The following CYTH1 variants were observed in gnomAD, a reference collection of about 807,000 sequenced individuals.
The protein encoded by CYTH1 is cytohesin 1, also known as cytohesin-1.
Under a neutral mutation model 61.8 loss-of-function variants are expected in CYTH1, and 18 were observed. The observed-to-expected ratio is 0.29, with a 90% CI of 0.20 to 0.43. The LOEUF (loss-of-function observed/expected upper bound fraction) is 0.43. CYTH1 is among the 20% of genes least tolerant of loss of function. The pLI, the probability that CYTH1 is intolerant of heterozygous loss-of-function variation, is 1.00. For missense variants in CYTH1, 336 were observed against 510.5 expected (o/e 0.66, Z 3.29); for synonymous variants, 174 against 184.3 (o/e 0.94, Z 0.45).
intron 1 of CYTH1, among the ~76,000 whole-genome samples, chr17:78,770,197 G>T (rs781118911): frequency 3.7e-4 from 56 of 151,098 alleles, no homozygotes; most frequent in Non-Finnish European, 7.2e-4. Context: ...GGTGGCGGGT[G>T]TCTGTAATCC....
chr17:78,719,848 G>A (rs1201793517), intron 1 of CYTH1, among the ~76,000 whole-genome samples: 1 of 152,178 alleles, frequency 6.6e-6, no homozygotes, highest in Non-Finnish European at 1.5e-5. Flanking sequence ...CCTTCACACA[G>A]TCTATCTACT....
chr17:78,747,707 G>A (rs923616142), intron 1 of CYTH1, among the ~76,000 whole-genome samples: 1 of 152,134 alleles, frequency 6.6e-6, no homozygotes, highest in African/African-American at 2.4e-5. Flanking sequence ...CAGCCATGTT[G>A]CAGCATGTGT....
chr17:78,734,814 A>G (rs1195643118), intron 1 of CYTH1, among the ~76,000 whole-genome samples: 5 of 152,098 alleles, frequency 3.3e-5, no homozygotes, highest in African/African-American at 7.2e-5. Flanking sequence ...TCCTTAAAGA[A>G]TATTTTCAAA....
At chr17:78,768,013 A>T (rs1237765958) in intron 1 of CYTH1, among the ~76,000 whole-genome samples, 1 of 152,228 alleles carries the variant, frequency 6.6e-6, no homozygotes, top group Non-Finnish European at 1.5e-5. Context: ...AGACAAAATG[A>T]AATGTGAGAC....
chr17:78,690,611 A>T (rs2092874596), intron 11 of CYTH1, among the ~76,000 whole-genome samples: 1 of 151,336 alleles, frequency 6.6e-6, no homozygotes, highest in African/African-American at 2.4e-5. Flanking sequence ...TGGGAGAATC[A>T]CTTGAACCCA....
At chr17:78,734,422 T>TA (rs1321844450) in intron 1 of CYTH1, among the ~76,000 whole-genome samples, 7 of 117,902 alleles carry the variant, frequency 5.9e-5, no homozygotes, top group East Asian at 2.6e-4. Flanking sequence ...ATGTACCAGG[T>TA]AAAAAAAAGC....
rs536679796 is a variant in CYTH1, at chr17:78,776,236, T to C, written c.22+5966A>G. On this transcript the variant is annotated intron_variant, in intron 1 of 13. Transcript: ENST00000446868. ...ACTGCAGTCATTAGCCCCAAAATGA[T>C]GACCATTACAGAGCAACAGGATGAA... Among the ~76,000 whole-genome samples the C allele has an allele frequency of 8.5e-5, 13 of 152,264 alleles. 1 individual carries two copies. The highest frequency in any genetic ancestry group is 3.1e-4 in the African/African-American group (13 of 41,556).
chr17:78,707,526 A>G (rs544449859), intron 3 of CYTH1, among the ~76,000 whole-genome samples: 1 of 152,308 alleles, frequency 6.6e-6, no homozygotes, highest in East Asian at 1.9e-4. Context: ...GCCCTTTGAA[A>G]TCGTATCAGC....
At chr17:78,706,695 A>G (rs2144368031) in intron 3 of CYTH1, among the ~76,000 whole-genome samples, 1 of 152,332 alleles carries the variant, frequency 6.6e-6, no homozygotes, top group Middle Eastern at 3.4e-3. Flanking sequence ...TGGTTATATT[A>G]TTTTATTCTC....
At chr17:78,771,104 A>C (rs2093469630) in intron 1 of CYTH1, among the ~76,000 whole-genome samples, 1 of 152,032 alleles carries the variant, frequency 6.6e-6, no homozygotes. Flanking sequence ...CTCTACTAAA[A>C]ATACAAAAAT....
At chr17:78,742,455 G>A (rs1268976032) in intron 1 of CYTH1, among the ~76,000 whole-genome samples, 3 of 151,806 alleles carry the variant, frequency 2.0e-5, no homozygotes, top group Non-Finnish European at 2.9e-5. Context: ...CCAGCTACTT[G>A]GGAGGCTGAG....
intron 9 of CYTH1, chr17:78,696,629 G>A (rs2092941744): frequency 6.6e-6 from 1 of 152,208 alleles, no homozygotes; most frequent in Non-Finnish European, 1.5e-5. Flanking sequence ...ATTTGATGGA[G>A]GTTTAGAAAA....
At chr17:78,782,077 G>C in intron 1 of CYTH1, 125 bp downstream of exon 1, 1 of 882,382 alleles carries the variant, frequency 1.1e-6, no homozygotes, top group Non-Finnish European at 1.4e-6. Flanking sequence ...CGGTCGCCCC[G>C]GGCTCCGCGT....
intron 1 of CYTH1, among the ~76,000 whole-genome samples, chr17:78,771,561 T>C (rs1428175874): frequency 1.3e-5 from 2 of 151,656 alleles, no homozygotes; most frequent in Non-Finnish European, 2.9e-5. Flanking sequence ...TGAAACCCTG[T>C]CTCTAACAAA....
At chr17:78,755,524 A>G (rs2093397326) in intron 1 of CYTH1, among the ~76,000 whole-genome samples, 1 of 150,942 alleles carries the variant, frequency 6.6e-6, no homozygotes, top group African/African-American at 2.4e-5. Flanking sequence ...AGCCAGACAC[A>G]GAATATACAT....
At chr17:78,740,772 C>T (rs559969126) in intron 1 of CYTH1, among the ~76,000 whole-genome samples, 2 of 152,288 alleles carry the variant, frequency 1.3e-5, no homozygotes, top group East Asian at 3.9e-4. Context: ...TTACATCAGG[C>T]AGTCAGCATA....
chr17:78,778,873 A>G (rs901704349), intron 1 of CYTH1, among the ~76,000 whole-genome samples: 1 of 152,226 alleles, frequency 6.6e-6, no homozygotes, highest in Non-Finnish European at 1.5e-5. Flanking sequence ...TTATGAATCC[A>G]TCACACACAT....
At chr17:78,771,100 T>C (rs974941184) in intron 1 of CYTH1, among the ~76,000 whole-genome samples, 2 of 151,692 alleles carry the variant, frequency 1.3e-5, no homozygotes, top group African/African-American at 2.4e-5. Context: ...CCATCTCTAC[T>C]AAAAATACAA....
chr17:78,761,737 C>G (rs922550806), intron 1 of CYTH1, among the ~76,000 whole-genome samples: 5 of 149,768 alleles, frequency 3.3e-5, no homozygotes, highest in African/African-American at 1.2e-4. Context: ...GACTCCGTCT[C>G]AAAAACAAAA....
Sources: gnomAD v4.1 joint callset for allele counts (sites outside exome capture counted in the v4.1 genomes callset) on GRCh38, gnomAD v4.1.1 for gene constraint, MANE v1.5 for transcripts, NCBI Gene and HGNC (gene_info 2026-07-23, HGNC 2026-07-21) for gene names.